Variants in ARCN1 observed in about 807,000 individuals in gnomAD.
ARCN1 encodes archain 1 coat protein complex I subunit delta.
Under a neutral mutation model 60.4 loss-of-function variants are expected in ARCN1, and 5 were observed. The observed-to-expected ratio is 0.08, with a 90% CI of 0.04 to 0.17. ARCN1 has a LOEUF of 0.17. Ranked by LOEUF, ARCN1 falls within the 10% of genes least tolerant of loss-of-function variation. The pLI, the probability that ARCN1 is intolerant of heterozygous loss-of-function variation, is 1.00. For synonymous variants in ARCN1, 224 were observed against 220.0 expected (o/e 1.02, Z -0.16); for missense variants, 464 against 626.5 (o/e 0.74, Z 2.77).
chr11:118,583,155 T>C, intron 2 of ARCN1, 24 bp from the exon 3 acceptor site: 1 of 1,610,956 alleles, frequency 6.2e-7, no homozygotes, highest in Non-Finnish European at 8.5e-7. Context: ...TAAATCTTTC[T>C]TTTTTATTGG....
chr11:118,581,941 C>CAG (rs1565360326), intron 2 of ARCN1, among the ~76,000 whole-genome samples: 1 of 145,440 alleles, frequency 6.9e-6, no homozygotes, highest in African/African-American at 2.7e-5. Context: ...CAGACAGACA[C>CAG]ACACACACAC....
intron 8 of ARCN1, among the ~76,000 whole-genome samples, chr11:118,596,657 G>A (rs1939032392): frequency 6.6e-6 from 1 of 152,180 alleles, no homozygotes; most frequent in Non-Finnish European, 1.5e-5. Context: ...TGAATTAAAA[G>A]CTGGTAAATT....
Position 118,592,789 on chromosome 11 carries a change from C to G in ARCN1, c.1065C>G (p.Val355=). 6.2e-7 allele frequency: 1 copy of G among 1,614,052 alleles called. No individual in the cohort carries two copies. Among genetic ancestry groups the G allele is most frequent in the Non-Finnish European group, 8.5e-7 (1 of 1,179,972 alleles). ...GLKNPEKSFP[V]NSDVGVLKWR... Reference sequence around the variant, plus strand: ...AGAATCCAGAGAAGTCATTTCCAGTCAACAGTGACGTAGGGGTGCTAAAGT... The same window carrying G: ...AGAATCCAGAGAAGTCATTTCCAGTGAACAGTGACGTAGGGGTGCTAAAGT... The change falls in exon 7 of 10, where the codon GTC becomes GTG. Residue 355 remains valine (V), a synonymous_variant. Coordinates refer to ENST00000264028, the MANE Select transcript of ARCN1 (RefSeq NM_001655.5).
intron 5 of ARCN1, among the ~76,000 whole-genome samples, chr11:118,589,619 C>A (rs1293659983): frequency 6.6e-6 from 1 of 152,144 alleles, no homozygotes; most frequent in Admixed American, 6.5e-5. Context: ...GGTGGGGTTT[C>A]ACCATGTTAG....
At chr11:118,597,421 C>T (rs566284733) in intron 8 of ARCN1, among the ~76,000 whole-genome samples, 1 of 152,284 alleles carries the variant, frequency 6.6e-6, no homozygotes, top group African/African-American at 2.4e-5. Flanking sequence ...ATCTGTTGGT[C>T]GCAGTCCCCA....
At position 118,600,821 on chromosome 11, in the gene ARCN1, T is replaced by G. The variant is rs1939131243; in HGVS notation, c.*107T>G. 1.3e-6 allele frequency: 1 copy of G among 742,284 alleles called. No homozygotes were observed. Among genetic ancestry groups the G allele is most frequent in the Non-Finnish European group, 2.2e-6 (1 of 444,898 alleles). The allele number at this position is 742,284 out of a possible 1,614,324, so 46.0% of individuals were successfully genotyped here. A position where few individuals can be genotyped will look rare whatever the true frequency, so the allele number is the denominator to read the frequency against. On this transcript the variant is annotated 3_prime_UTR_variant, in exon 10 of 10. Coordinates refer to ENST00000264028, the MANE Select transcript of ARCN1 (RefSeq NM_001655.5). ...TTTACAAGCCACTGGAGACCCCTTT[T>G]TTCTGATACAATGCACGATTCTCTG...
In ARCN1 at chr11:118,590,524, A is replaced by T. The variant is rs552873013; in HGVS notation, c.984+18A>T. The stretch of plus-strand genomic sequence containing the variant: ...AGCTACAGGTGTGTAGAAGCTTTTG[A>T]TAGGGAGTATTAACACTTTGTCTAC... On this transcript the variant is annotated intron_variant, in intron 6 of 9. Coordinates refer to ENST00000264028, the MANE Select transcript of ARCN1 (RefSeq NM_001655.5). 1 of 1,612,836 alleles carries T rather than the reference A, an allele frequency of 6.2e-7. No individual in the cohort carries two copies. The highest frequency in any genetic ancestry group is 1.3e-5 in the African/African-American group (1 of 75,006).
Position 118,585,245 on chromosome 11 carries a change from C to T in ARCN1, c.818+601C>T, listed in dbSNP as rs114661377. 6.8e-3 allele frequency among the ~76,000 whole-genome samples: 1,042 copies of T among 152,232 alleles called. 11 individuals carry two copies. The highest frequency in any genetic ancestry group is 0.022 in the African/African-American group (934 of 41,548). On this transcript the variant is annotated intron_variant, in intron 5 of 9. Transcript: ENST00000264028. ...CCCAAGTAACTGGGATACAGGCATGCGTTGCTGCACCTGACCTTTTCCTTT... is the reference window on the plus strand; with the variant it reads ...CCCAAGTAACTGGGATACAGGCATGTGTTGCTGCACCTGACCTTTTCCTTT...
At chr11:118,594,820 G>A (rs567226906) in intron 8 of ARCN1, among the ~76,000 whole-genome samples, 18 of 152,104 alleles carry the variant, frequency 1.2e-4, no homozygotes, top group African/African-American at 3.6e-4. Flanking sequence ...AAAGTGCTGG[G>A]ATTATGGGCG....
intron 1 of ARCN1, among the ~76,000 whole-genome samples, chr11:118,578,052 C>T (rs1938562534): frequency 6.6e-6 from 1 of 152,050 alleles, no homozygotes; most frequent in African/African-American, 2.4e-5. Context: ...GTCCCAGTTA[C>T]TCAGGAGGCT....
intron 1 of ARCN1, among the ~76,000 whole-genome samples, chr11:118,574,274 A>G (rs150579661): frequency 8.7e-4 from 133 of 152,310 alleles, no homozygotes; most frequent in Non-Finnish European, 1.2e-3. Context: ...AGACATTGGT[A>G]TGATTTCTGT....
At position 118,601,282 on chromosome 11, in the gene ARCN1, G is replaced by A. The variant is rs963461220; in HGVS notation, c.*568G>A. 1.4e-5 allele frequency: 5 copies of A among 364,104 alleles called. 1 individual carries two copies. The highest frequency in any genetic ancestry group is 8.5e-5 in the East Asian group (1 of 11,786). 22.6% of individuals were successfully genotyped at this position (364,104 alleles called of 1,614,324 possible). On this transcript the variant is annotated 3_prime_UTR_variant, in exon 10 of 10. Coordinates refer to ENST00000264028, the MANE Select transcript of ARCN1 (RefSeq NM_001655.5). The stretch of plus-strand genomic sequence containing the variant: ...TCACCGTGTTGCCCAGGCTGGTCGC[G>A]AACTCCTGAGCTCAGGCAATCCGCC...
rs572981354 is a variant in ARCN1 at position 118,587,773 on chromosome 11, C to G, written c.819-2568C>G. On this transcript the variant is annotated intron_variant, in intron 5 of 9. Coordinates refer to ENST00000264028, the MANE Select transcript of ARCN1 (RefSeq NM_001655.5). Reference sequence around the variant, plus strand: ...AGTCCCCCAAGACTGATTCTTCCTTCCCACCAGTCATAAGTCCAGACTTTC... The same window carrying G: ...AGTCCCCCAAGACTGATTCTTCCTTGCCACCAGTCATAAGTCCAGACTTTC... 5.3e-5 allele frequency among the ~76,000 whole-genome samples: 8 copies of G among 152,326 alleles called. No individual in the cohort carries two copies. In the South Asian group the frequency reaches 1.5e-3, roughly 28 times the overall value.
rs1179195532 is a variant in ARCN1 at position 118,581,929 on chromosome 11, G to GAC, written c.267+422_267+423dup. ...AGACTTACTGATCCAGAGACAGACA[G>GAC]ACAGACAGACACACACACACACACA... On this transcript the variant is annotated intron_variant, in intron 2 of 9. Transcript: ENST00000264028. Among the ~76,000 whole-genome samples, 20 of 132,370 alleles carry GAC rather than the reference G, an allele frequency of 1.5e-4. 1 individual carries two copies. Among genetic ancestry groups the GAC allele is most frequent in the East Asian group, 1.3e-3 (4 of 3,172 alleles). 86.8% of individuals were successfully genotyped at this position (132,370 alleles called of 152,430 possible).
At chr11:118,600,592 C>T in intron 9 of ARCN1, 33 bp from the exon 10 acceptor site, 2 of 1,497,398 alleles carry the variant, frequency 1.3e-6, no homozygotes, top group Non-Finnish European at 1.8e-6. Flanking sequence ...CTCAAACCTC[C>T]TGCTTTACCT....
In ARCN1 at chr11:118,602,541, C is replaced by T. The variant is rs1259587504; in HGVS notation, c.*1827C>T. Reference sequence around the variant, plus strand: ...TGTACTGTGCTTGAAGCAGAGCACTCACACATAAATGGCTGTGTGTGGAAT... The same window carrying T: ...TGTACTGTGCTTGAAGCAGAGCACTTACACATAAATGGCTGTGTGTGGAAT... On this transcript the variant is annotated 3_prime_UTR_variant, in exon 10 of 10. Transcript: ENST00000264028. 2.0e-5 allele frequency: 3 copies of T among 153,800 alleles called. No individual in the cohort carries two copies. Among genetic ancestry groups the T allele is most frequent in the Non-Finnish European group, 4.4e-5 (3 of 68,054 alleles). 9.5% of individuals were successfully genotyped at this position (153,800 alleles called of 1,614,324 possible). A position where few individuals can be genotyped will look rare whatever the true frequency, so the allele number is the denominator to read the frequency against.
At chr11:118,598,006 C>T in intron 9 of ARCN1, 95 bp downstream of exon 9, 1 of 1,234,830 alleles carries the variant, frequency 8.1e-7, no homozygotes, top group Non-Finnish European at 1.1e-6. Context: ...TTTTTGTGGT[C>T]AGATAAAGCT....
chr11:118,584,448 T>G, intron 4 of ARCN1, 32 bp from the exon 5 acceptor site: 1 of 1,586,002 alleles, frequency 6.3e-7, no homozygotes, highest in Non-Finnish European at 8.6e-7. Context: ...AAATAAACCT[T>G]TGGGTAATGA....
intron 1 of ARCN1, chr11:118,573,778 C>A: frequency 1.6e-6 from 1 of 610,800 alleles, no homozygotes; most frequent in Non-Finnish European, 3.0e-6. Context: ...CTTTTCTCAG[C>A]CTCAGGTATA....
Sources: gnomAD v4.1 joint callset for allele counts (sites outside exome capture counted in the v4.1 genomes callset) on GRCh38, gnomAD v4.1.1 for gene constraint, MANE v1.5 for transcripts, NCBI Gene and HGNC (gene_info 2026-07-23, HGNC 2026-07-21) for gene names.